The following GRID2 variants were observed in gnomAD, a reference collection of about 807,000 sequenced individuals.
GRID2 encodes the protein glutamate receptor ionotropic, delta-2.
In GRID2, 33 loss-of-function variants were observed where a neutral mutation model predicts 114.8. The observed-to-expected ratio is 0.29, with a 90% CI of 0.22 to 0.38. The LOEUF is 0.38. Ranked by LOEUF, GRID2 falls within the 10% of genes least tolerant of loss-of-function variation. GRID2 has a pLI of 1.00. For missense variants in GRID2, 1,184 were observed against 1,257.7 expected (o/e 0.94, Z 0.89); for synonymous variants, 505 against 449.9 (o/e 1.12, Z -1.55).
At chr4:93,562,192 C>T (rs74671941) in intron 13 of GRID2, among the ~76,000 whole-genome samples, 2,944 of 137,224 alleles carry the variant, frequency 0.021, 76 homozygotes, top group East Asian at 0.14. Flanking sequence ...TTGGTTTTGT[C>T]AGAGTTTTTT....
chr4:93,626,407 A>T lies in GRID2; in HGVS notation c.2332A>T (p.Ser778Cys), dbSNP rs762597805. The change falls in exon 14 of 16, where the codon AGT (serine) becomes TGT (cysteine). Residue 778 changes from serine to cysteine, a missense_variant. Coordinates refer to ENST00000282020, the MANE Select transcript of GRID2 (RefSeq NM_001510.4). ...RGYGIALQHG[S>C]PYRDVFSQRI... ...ATATGGAATTGCATTACAACATGGC[A>T]GTCCTTACCGAGATGTTTTTTCACA... The T allele has an allele frequency of 1.9e-6, 3 of 1,609,380 alleles. No individual in the cohort carries two copies. In the South Asian group the frequency reaches 3.3e-5, roughly 18 times the overall value.
At chr4:93,513,097 G>A (rs1729356515) in intron 12 of GRID2, among the ~76,000 whole-genome samples, 1 of 152,128 alleles carries the variant, frequency 6.6e-6, no homozygotes, top group Non-Finnish European at 1.5e-5. Flanking sequence ...AGACAGCCAA[G>A]GGCCCAATCT....
chr4:92,403,173 G>T (rs544394574), intron 1 of GRID2, among the ~76,000 whole-genome samples: 1 of 152,286 alleles, frequency 6.6e-6, no homozygotes, highest in South Asian at 2.1e-4. Context: ...AAGAGAATGT[G>T]TGGCTGGTTT....
chr4:92,977,558 A>G (rs1753951977), intron 2 of GRID2, among the ~76,000 whole-genome samples: 2 of 152,124 alleles, frequency 1.3e-5, no homozygotes. Context: ...GAATCCTCTA[A>G]AGATCTTTAA....
chr4:93,686,572 TA>T (rs752330064), intron 14 of GRID2, among the ~76,000 whole-genome samples: 1 of 152,022 alleles, frequency 6.6e-6, no homozygotes, highest in African/African-American at 2.4e-5. Flanking sequence ...GCAAGTCCCA[TA>T]AAAAAATACA....
At chr4:92,414,238 A>T (rs1256833888) in intron 1 of GRID2, among the ~76,000 whole-genome samples, 2 of 152,194 alleles carry the variant, frequency 1.3e-5, no homozygotes, top group Non-Finnish European at 2.9e-5. Context: ...CTTCTCTTAC[A>T]GTGAGAAGAG....
At chr4:92,559,361 G>A (rs1332493891) in intron 1 of GRID2, among the ~76,000 whole-genome samples, 2 of 152,012 alleles carry the variant, frequency 1.3e-5, no homozygotes, top group Non-Finnish European at 2.9e-5. Context: ...GAAATGCTCG[G>A]GACAAGAAGT....
At chr4:93,529,322 C>A (rs1190570703) in intron 13 of GRID2, among the ~76,000 whole-genome samples, 1 of 152,176 alleles carries the variant, frequency 6.6e-6, no homozygotes, top group African/African-American at 2.4e-5. Flanking sequence ...CTTCTGGGTA[C>A]TATTTAAAAG....
At chr4:93,672,974 G>T (rs781160096) in intron 14 of GRID2, among the ~76,000 whole-genome samples, 1 of 152,138 alleles carries the variant, frequency 6.6e-6, no homozygotes, top group South Asian at 2.1e-4. Flanking sequence ...TCTCTGTAAT[G>T]ATTTTGTGTA....
At chr4:93,359,945 C>G (rs528131577) in intron 8 of GRID2, among the ~76,000 whole-genome samples, 210 of 129,296 alleles carry the variant, frequency 1.6e-3, no homozygotes, top group African/African-American at 5.5e-3. Flanking sequence ...AGCATCACTT[C>G]TTTTATATTC....
intron 1 of GRID2, among the ~76,000 whole-genome samples, chr4:93,799,815 T>C (rs2110365708): frequency 6.6e-6 from 1 of 152,350 alleles, no homozygotes; most frequent in East Asian, 1.9e-4. Flanking sequence ...TGTTTTGTTT[T>C]TGTTTAAAAA....
intron 1 of GRID2, among the ~76,000 whole-genome samples, chr4:92,522,691 A>G (rs1381219588): frequency 6.6e-6 from 1 of 151,986 alleles, no homozygotes; most frequent in African/African-American, 2.4e-5. Flanking sequence ...ATGTAGGATC[A>G]GAGCAAGAGC....
chr4:93,470,333 G>A (rs17274136), intron 11 of GRID2, among the ~76,000 whole-genome samples: 16,346 of 151,962 alleles, frequency 0.11, 1,140 homozygotes, highest in Middle Eastern at 0.16. Flanking sequence ...GCACTAAAAG[G>A]CAATTTAACA....
chr4:93,518,875 G>A (rs4286488), intron 13 of GRID2, among the ~76,000 whole-genome samples: 121,960 of 151,934 alleles, frequency 0.8, 49,749 homozygotes, highest in African/African-American at 0.95. Flanking sequence ...AATATGAAGG[G>A]GGCCAGTATG....
intron 8 of GRID2, among the ~76,000 whole-genome samples, chr4:93,337,679 G>A (rs1203943938): frequency 6.6e-6 from 1 of 152,026 alleles, no homozygotes; most frequent in East Asian, 1.9e-4. Context: ...AGTAGTTATG[G>A]CCTCTGCTCA....
At chr4:93,341,944 A>G (rs1759699690) in intron 8 of GRID2, among the ~76,000 whole-genome samples, 1 of 152,162 alleles carries the variant, frequency 6.6e-6, no homozygotes, top group Non-Finnish European at 1.5e-5. Context: ...GAATAGAACA[A>G]AGGATTTTAT....
intron 2 of GRID2, among the ~76,000 whole-genome samples, chr4:93,026,623 T>C (rs1723905518): frequency 6.6e-6 from 1 of 151,876 alleles, no homozygotes; most frequent in Non-Finnish European, 1.5e-5. Flanking sequence ...TTTTTAATAA[T>C]TTGGAGTGCA....
At chr4:92,394,274 T>C (rs1730388343) in intron 1 of GRID2, among the ~76,000 whole-genome samples, 2 of 152,170 alleles carry the variant, frequency 1.3e-5, no homozygotes, top group Admixed American at 1.3e-4. Flanking sequence ...TCTTCTACAT[T>C]TGACTTTAGC....
intron 13 of GRID2, among the ~76,000 whole-genome samples, chr4:93,536,165 A>G (rs943317468): frequency 3.3e-5 from 5 of 152,022 alleles, no homozygotes; most frequent in Non-Finnish European, 5.9e-5. Context: ...AATCCTTATC[A>G]TGATTCCAAT....
Sources: allele counts gnomAD v4.1 joint callset (sites outside exome capture counted in the v4.1 genomes callset), GRCh38; gene constraint gnomAD v4.1.1; transcripts MANE v1.5; gene names NCBI Gene and HGNC (gene_info 2026-07-23, HGNC 2026-07-21).